Variants in CARM1 observed in about 807,000 individuals in gnomAD.
CARM1 encodes the protein histone-arginine methyltransferase CARM1.
In CARM1, 14 loss-of-function variants were observed where a neutral mutation model predicts 72.7. That is an observed-to-expected ratio of 0.19 (90% CI 0.13 to 0.30). CARM1 has a LOEUF of 0.30. CARM1 is among the 10% of genes least tolerant of loss of function. CARM1 has a pLI of 1.00. For missense variants in CARM1, 432 were observed against 833.7 expected (o/e 0.52, Z 5.93); for synonymous variants, 333 against 345.5 (o/e 0.96, Z 0.40).
At position 10,918,464 on chromosome 19, in the gene CARM1, C is replaced by T. The variant is rs2074215155; in HGVS notation, c.1021-1131C>T. Reference sequence around the variant, plus strand: ...TCTTGAACTCCTGACCTCAGGTGATCCGTCCGCCTCGGCCTCCCAAAGTGC... The same window carrying T: ...TCTTGAACTCCTGACCTCAGGTGATTCGTCCGCCTCGGCCTCCCAAAGTGC... On this transcript the variant is annotated intron_variant, in intron 8 of 15. Coordinates refer to ENST00000327064, the MANE Select transcript of CARM1 (RefSeq NM_199141.2). 2.6e-5 allele frequency among the ~76,000 whole-genome samples: 4 copies of T among 152,134 alleles called. No homozygotes were observed. The South Asian group carries it at 8.3e-4, about 31-fold the overall frequency.
chr19:10,896,112 G>C lies in CARM1; in HGVS notation c.221-8839G>C, dbSNP rs1244179915. Among the ~76,000 whole-genome samples, 1 of 152,080 alleles carries C rather than the reference G, an allele frequency of 6.6e-6. No homozygotes were observed. The highest frequency in any genetic ancestry group is 1.5e-5 in the Non-Finnish European group (1 of 68,004). On this transcript the variant is annotated intron_variant, in intron 1 of 15. Coordinates refer to ENST00000327064, the MANE Select transcript of CARM1 (RefSeq NM_199141.2). This position sits in a 1 kb window ranked among gnomAD's most constrained non-coding sequence, Gnocchi z 5.2. ...AAGCAGGCGGGTTGTGTTAGACACT[G>C]TGCGGCTTGAAGGGTGGACTGGGAG...
rs920243501 is a variant in CARM1, at chr19:10,921,510, C to T, written c.1684+67C>T. On this transcript the variant is annotated intron_variant, in intron 15 of 15. Coordinates refer to ENST00000327064, the MANE Select transcript of CARM1 (RefSeq NM_199141.2). Reference sequence around the variant, plus strand: ...AGCGTGTGAGTCGCCATCCTCTGTCCGGCCGCCCGCCTGCCCTCTTGCCTG... The same window carrying T: ...AGCGTGTGAGTCGCCATCCTCTGTCTGGCCGCCCGCCTGCCCTCTTGCCTG... 3.0e-5 allele frequency: 47 copies of T among 1,567,424 alleles called. 1 individual carries two copies. The highest frequency in any genetic ancestry group is 2.8e-4 in the South Asian group (24 of 85,044).
At chr19:10,903,164 T>C (rs552219013) in intron 1 of CARM1, among the ~76,000 whole-genome samples, 2 of 152,344 alleles carry the variant, frequency 1.3e-5, no homozygotes, top group Admixed American at 6.5e-5. Flanking sequence ...CAAAAATCAA[T>C]TGAGGATAAG....
At chr19:10,918,010 C>T (rs2074212172) in intron 8 of CARM1, among the ~76,000 whole-genome samples, 2 of 151,960 alleles carry the variant, frequency 1.3e-5, no homozygotes, top group African/African-American at 2.4e-5. Context: ...CCATGCCCAG[C>T]GTGTTCAGTC....
intron 4 of CARM1, among the ~76,000 whole-genome samples, chr19:10,911,432 C>T (rs191129320): frequency 4.6e-5 from 7 of 152,294 alleles, no homozygotes; most frequent in Non-Finnish European, 8.8e-5. Flanking sequence ...CTGGGAAGGA[C>T]GTCCTCCGTT....
rs769201815 is a variant in CARM1 at position 10,908,093 on chromosome 19, G to A, written c.401G>A (p.Arg134Gln). ...LKTCRGHTLE[R>Q]SVFSERTEES... ...ACCTGCCGGGGCCACACCCTGGAGC[G>A]GTCTGTGTTCAGCGAGCGGACGGAG... The change falls in exon 3 of 16, where the codon CGG becomes CAG. Residue 134 changes from arginine (R) to glutamine (Q), a missense_variant. Physicochemically the swap from Arg to Gln is conservative, Grantham distance 43. This residue lies in a region of CARM1 where 138 missense variants were observed against 192.3 expected (regional missense o/e 0.72). Coordinates refer to ENST00000327064, the MANE Select transcript of CARM1 (RefSeq NM_199141.2). The A allele has an allele frequency of 4.9e-5, 79 of 1,613,914 alleles. No homozygotes were observed. The highest frequency in any genetic ancestry group is 4.5e-4 in the East Asian group (20 of 44,888).
intron 8 of CARM1, among the ~76,000 whole-genome samples, chr19:10,917,066 AAAATAAAT>A (rs1004667948): frequency 6.6e-6 from 1 of 152,102 alleles, no homozygotes; most frequent in Non-Finnish European, 1.5e-5. Context: ...TTTTAAAATT[AAAATAAAT>A]AAATAATAAA....
At chr19:10,917,954 C>T (rs535493787) in intron 8 of CARM1, among the ~76,000 whole-genome samples, 3 of 152,092 alleles carry the variant, frequency 2.0e-5, no homozygotes, top group Non-Finnish European at 2.9e-5. Flanking sequence ...TTAGGTGATC[C>T]GCCTGCCTCG....
In CARM1 at chr19:10,916,727, T is replaced by A; in HGVS notation, c.970T>A (p.Ser324Thr). The A allele has an allele frequency of 6.4e-7, 1 of 1,557,590 alleles. No individual in the cohort carries two copies. Among genetic ancestry groups the A allele is most frequent in the Non-Finnish European group, 8.7e-7 (1 of 1,150,542 alleles). ...GCCATCTTTCCATGGAGTGGACCTG[T>A]CGGCCCTCCGAGGTGCCGCGGTGGA... ...YQPSFHGVDL[S>T]ALRGAAVDEY... Residue 324 changes from serine to threonine, a missense_variant, in exon 8 of 16, where the codon TCG becomes ACG. Ser to Thr is a moderately conservative substitution (Grantham distance 58, BLOSUM62 1). Coordinates refer to ENST00000327064, the MANE Select transcript of CARM1 (RefSeq NM_199141.2). The surrounding 1 kb of genome is among the most constrained non-coding windows in gnomAD (Gnocchi z 4.4).
chr19:10,894,030 G>T (rs532343591), intron 1 of CARM1, among the ~76,000 whole-genome samples: 5 of 152,356 alleles, frequency 3.3e-5, no homozygotes, highest in Non-Finnish European at 7.3e-5. Flanking sequence ...GGAATGGGGG[G>T]AAGCTTCTGG....
intron 1 of CARM1, among the ~76,000 whole-genome samples, chr19:10,887,562 T>G (rs1360202936): frequency 2.0e-5 from 3 of 152,186 alleles, no homozygotes; most frequent in Non-Finnish European, 4.4e-5. Context: ...ACATCCTGTG[T>G]CTCTGGCTGA....
intron 14 of CARM1, 73 bp downstream of exon 14, chr19:10,921,200 G>A: frequency 6.6e-7 from 1 of 1,516,410 alleles, no homozygotes; most frequent in Non-Finnish European, 9.1e-7. Context: ...AAGGGCCTGT[G>A]GTGACCAGGG....
At chr19:10,921,337 C>A in intron 14 of CARM1, 38 bp from the exon 15 acceptor site, 1 of 1,608,038 alleles carries the variant, frequency 6.2e-7, no homozygotes, top group Non-Finnish European at 8.5e-7. Flanking sequence ...GGCGGTGACG[C>A]CGTCTCCCTT....
intron 1 of CARM1, among the ~76,000 whole-genome samples, chr19:10,875,738 C>T (rs905495614): frequency 2.0e-5 from 3 of 150,628 alleles, no homozygotes; most frequent in Non-Finnish European, 4.4e-5. Flanking sequence ...CTGTTCTTTT[C>T]TTATAAGGAC....
In CARM1 at chr19:10,888,613, G is replaced by A. The variant is rs943190025; in HGVS notation, c.221-16338G>A. Reference sequence around the variant, plus strand: ...TGGAGCGAGGGGGCTGGTGCAGGCCGGTTTTGTGGCTTTGCACCGCGCCCC... The same window carrying A: ...TGGAGCGAGGGGGCTGGTGCAGGCCAGTTTTGTGGCTTTGCACCGCGCCCC... On this transcript the variant is annotated intron_variant, in intron 1 of 15. Coordinates refer to ENST00000327064, the MANE Select transcript of CARM1 (RefSeq NM_199141.2). Among the ~76,000 whole-genome samples, 5 of 152,114 alleles carry A rather than the reference G, an allele frequency of 3.3e-5. No individual in the cohort carries two copies. The East Asian group carries it at 5.8e-4, about 18-fold the overall frequency.
chr19:10,882,881 C>G (rs2073912650), intron 1 of CARM1, among the ~76,000 whole-genome samples: 1 of 152,062 alleles, frequency 6.6e-6, no homozygotes, highest in South Asian at 2.1e-4. Flanking sequence ...ACAGAGAACC[C>G]CATCTCCTCT....
At chr19:10,901,930 C>G (rs1037840177) in intron 1 of CARM1, among the ~76,000 whole-genome samples, 19 of 151,550 alleles carry the variant, frequency 1.3e-4, no homozygotes, top group African/African-American at 4.6e-4. Context: ...GCCTGGGCAA[C>G]AGATCAAGAA....
At chr19:10,887,079 C>G (rs912519418) in intron 1 of CARM1, among the ~76,000 whole-genome samples, 2 of 152,230 alleles carry the variant, frequency 1.3e-5, no homozygotes, top group African/African-American at 4.8e-5. Context: ...AACTGAGGCA[C>G]TAAAACTTTG....
At chr19:10,891,930 C>T (rs2073990892) in intron 1 of CARM1, among the ~76,000 whole-genome samples, 1 of 152,202 alleles carries the variant, frequency 6.6e-6, no homozygotes, top group African/African-American at 2.4e-5. Flanking sequence ...AAAAGTATGA[C>T]TTGCTTCCCG....
Sources: gnomAD v4.1 joint callset for allele counts (sites outside exome capture counted in the v4.1 genomes callset) on GRCh38, gnomAD v4.1.1 for gene constraint, gnomAD v4.1.1 regional missense constraint, Gnocchi (gnomAD v3.1) non-coding constraint, MANE v1.5 for transcripts, NCBI Gene and HGNC (gene_info 2026-07-23, HGNC 2026-07-21) for gene names.